The following RBFOX1 variants were observed in gnomAD, a reference collection of about 807,000 sequenced individuals.
The protein encoded by RBFOX1 is RNA binding fox-1 homolog 1, also known as RNA binding protein fox-1 homolog 1.
In RBFOX1, 8 loss-of-function variants were observed where a neutral mutation model predicts 57.7. The ratio of observed to expected loss-of-function variants is 0.14; its 90% CI spans 0.08 to 0.25. The LOEUF is 0.25. Among genes scored for constraint, RBFOX1 ranks in the 10% least tolerant of loss-of-function variants. The pLI is 1.00. For synonymous variants in RBFOX1, 326 were observed against 222.4 expected (o/e 1.47, Z -4.15); for missense variants, 611 against 548.5 (o/e 1.11, Z -1.14).
intron 3 of RBFOX1, among the ~76,000 whole-genome samples, chr16:6,997,377 C>G (rs779000206): frequency 6.6e-6 from 1 of 152,126 alleles, no homozygotes; most frequent in Non-Finnish European, 1.5e-5. Flanking sequence ...AATTGTCAAC[C>G]TATGTTGAAA....
chr16:5,895,780 C>T (rs962974363), intron 4 of RBFOX1, among the ~76,000 whole-genome samples: 1 of 152,092 alleles, frequency 6.6e-6, no homozygotes, highest in Non-Finnish European at 1.5e-5. Context: ...ATGACAGTGC[C>T]TAGAACAGAG....
rs781237494 is a variant in RBFOX1, at chr16:5,944,466, C to T, written c.351+77131C>T. On this transcript the variant is annotated intron_variant, in intron 4 of 19. Transcript: ENST00000641259. Reference sequence around the variant, plus strand: ...AGTAGCTTTTCTCAGGCAGGTATGGCCGTGGCCTTTAGCTGCACTTCTCAG... The same window carrying T: ...AGTAGCTTTTCTCAGGCAGGTATGGTCGTGGCCTTTAGCTGCACTTCTCAG... Among the ~76,000 whole-genome samples, 42 of 152,064 alleles carry T rather than the reference C, an allele frequency of 2.8e-4. 1 individual carries two copies. Among genetic ancestry groups the T allele is most frequent in the Non-Finnish European group, 4.4e-4 (30 of 68,036 alleles).
chr16:5,450,879 G>A (rs572065332), intron 1 of RBFOX1, among the ~76,000 whole-genome samples: 156 of 152,332 alleles, frequency 1.0e-3, no homozygotes, highest in African/African-American at 3.6e-3. Context: ...CTTTGGGGCA[G>A]TCCTGTGCAG....
intron 2 of RBFOX1, among the ~76,000 whole-genome samples, chr16:6,443,872 C>CCA (rs1555476358): frequency 0.015 from 2,253 of 152,016 alleles, 65 homozygotes; most frequent in African/African-American, 0.049. Context: ...CCATCCATCC[C>CCA]TCCATCCATG....
intron 4 of RBFOX1, among the ~76,000 whole-genome samples, chr16:5,920,406 T>TA (rs1412577737): frequency 6.6e-6 from 1 of 152,230 alleles, no homozygotes. Context: ...GAGCTGCTCT[T>TA]AGCGTTTGTG....
At chr16:6,862,342 G>C (rs2059167389) in intron 3 of RBFOX1, among the ~76,000 whole-genome samples, 1 of 152,168 alleles carries the variant, frequency 6.6e-6, no homozygotes, top group Non-Finnish European at 1.5e-5. Flanking sequence ...TGATCGTGCA[G>C]GTTCCTGGAA....
intron 3 of RBFOX1, among the ~76,000 whole-genome samples, chr16:5,676,193 C>T (rs575630695): frequency 7.2e-5 from 11 of 151,916 alleles, no homozygotes; most frequent in African/African-American, 2.7e-4. Flanking sequence ...ACCACCATGG[C>T]ACATGTATAC....
At chr16:6,935,330 C>T (rs1289003121) in intron 3 of RBFOX1, among the ~76,000 whole-genome samples, 1 of 152,062 alleles carries the variant, frequency 6.6e-6, no homozygotes, top group Non-Finnish European at 1.5e-5. Flanking sequence ...AGTTTCCCTT[C>T]ATAAAGTAGA....
In RBFOX1 at chr16:6,798,365, C is replaced by T. The variant is rs568820964; in HGVS notation, c.-16+143715C>T. ...TTGAGAATTGATGGATTTGGGCAAA[C>T]GTGAAAGCCATTCTGAGACAGAAGA... On this transcript the variant is annotated intron_variant, in intron 3 of 15. Coordinates refer to ENST00000550418, the MANE Select transcript of RBFOX1 (RefSeq NM_018723.4). Among the ~76,000 whole-genome samples the T allele has an allele frequency of 7.2e-5, 11 of 152,212 alleles. No individual in the cohort carries two copies. The South Asian group carries it at 1.5e-3, about 20-fold the overall frequency.
chr16:5,983,423 G>A (rs991487940), intron 4 of RBFOX1, among the ~76,000 whole-genome samples: 1 of 152,208 alleles, frequency 6.6e-6, no homozygotes, highest in East Asian at 1.9e-4. Flanking sequence ...CTCCCAAGGA[G>A]TGTGTGAAGG....
At chr16:6,502,123 A>T (rs547687944) in intron 2 of RBFOX1, among the ~76,000 whole-genome samples, 1 of 152,270 alleles carries the variant, frequency 6.6e-6, no homozygotes, top group Admixed American at 6.5e-5. Context: ...GAACCAAAAA[A>T]TTCCTTCAGT....
intron 3 of RBFOX1, among the ~76,000 whole-genome samples, chr16:6,963,848 A>C (rs903850490): frequency 6.6e-6 from 1 of 150,740 alleles, no homozygotes; most frequent in Non-Finnish European, 1.5e-5. Context: ...ACAGGCGCAC[A>C]CCACCACGCC....
chr16:7,068,574 A>C (rs527262557), intron 4 of RBFOX1, among the ~76,000 whole-genome samples: 1 of 152,160 alleles, frequency 6.6e-6, no homozygotes, highest in Admixed American at 6.6e-5. Flanking sequence ...ACTCTTTGAT[A>C]CTATTATTAT....
At chr16:6,747,868 C>G (rs574934756) in intron 3 of RBFOX1, among the ~76,000 whole-genome samples, 6 of 152,236 alleles carry the variant, frequency 3.9e-5, no homozygotes, top group African/African-American at 1.4e-4. Context: ...CTTTCATAGG[C>G]AATCCATACC....
chr16:5,944,942 G>T (rs1195866590), intron 4 of RBFOX1, among the ~76,000 whole-genome samples: 2 of 126,210 alleles, frequency 1.6e-5, no homozygotes, highest in Non-Finnish European at 3.1e-5. Flanking sequence ...CTCCAGCCTG[G>T]AGACAGAGCA....
chr16:7,467,256 C>T (rs1165570476), intron 4 of RBFOX1, among the ~76,000 whole-genome samples: 1 of 152,086 alleles, frequency 6.6e-6, no homozygotes, highest in African/African-American at 2.4e-5. Context: ...TAGGCGACCT[C>T]TCAATAGGGA....
chr16:7,440,335 C>G (rs1444731329), intron 4 of RBFOX1, among the ~76,000 whole-genome samples: 1 of 152,050 alleles, frequency 6.6e-6, no homozygotes. Flanking sequence ...TGTGAAAAAA[C>G]AAGATTGTTT....
At chr16:6,759,451 C>T (rs547184881) in intron 3 of RBFOX1, among the ~76,000 whole-genome samples, 1 of 148,768 alleles carries the variant, frequency 6.7e-6, no homozygotes, top group South Asian at 2.1e-4. Context: ...CAACCAACTT[C>T]ATTTCTTGAT....
At chr16:6,171,521 T>C (rs1195138633) in intron 1 of RBFOX1, among the ~76,000 whole-genome samples, 1 of 152,212 alleles carries the variant, frequency 6.6e-6, no homozygotes, top group East Asian at 1.9e-4. Context: ...ATTTGGCTCA[T>C]TGGCTTGTTG....
Sources: gnomAD v4.1 joint callset for allele counts (sites outside exome capture counted in the v4.1 genomes callset) on GRCh38, gnomAD v4.1.1 for gene constraint, MANE v1.5 for transcripts, NCBI Gene and HGNC (gene_info 2026-07-23, HGNC 2026-07-21) for gene names.